SLC25A19: variants seen among roughly 807,000 people sequenced by gnomAD.
The protein encoded by SLC25A19 is mitochondrial thiamine pyrophosphate carrier.
SLC25A19 carries 18 observed loss-of-function variants against 27.9 expected under a neutral mutation model. The observed-to-expected ratio is 0.64, with a 90% CI of 0.45 to 0.96. SLC25A19 has a LOEUF of 0.96. SLC25A19 is among the 40% of genes least tolerant of loss of function. The pLI, the probability that SLC25A19 is intolerant of heterozygous loss-of-function variation, is 0.00. For synonymous variants in SLC25A19, 169 were observed against 167.1 expected, an observed-to-expected ratio of 1.01 and a Z score of -0.09; for missense variants, 371 against 418.3, an observed-to-expected ratio of 0.89 and a Z score of 0.99.
chr17:75,275,675 C>T (rs2145733302), intron 7 of SLC25A19, among the ~76,000 whole-genome samples: 1 of 152,234 alleles, frequency 6.6e-6, no homozygotes, highest in Admixed American at 6.5e-5. Context: ...CAACTTAGGC[C>T]CAGGTGTGGC....
chr17:75,283,600 G>C lies in SLC25A19; in HGVS notation c.289-7C>G. 3 of 1,612,626 alleles carry C rather than the reference G, an allele frequency of 1.9e-6. No homozygotes were observed. Among genetic ancestry groups the C allele is most frequent in the African/African-American group, 1.3e-5 (1 of 75,042 alleles). On this transcript the variant is annotated splice_polypyrimidine_tract_variant and splice_region_variant and intron_variant, in intron 4 of 7. Coordinates refer to ENST00000416858, the MANE Select transcript of SLC25A19 (RefSeq NM_001126121.2). The stretch of plus-strand genomic sequence containing the variant: ...GCATTTCAAATGACAAGAACTGCAA[G>C]AGTAAGTGAAGAAGTCACCGACAGC...
In SLC25A19 at chr17:75,278,325, G is replaced by T. The variant is rs554218525; in HGVS notation, c.470C>A (p.Thr157Lys). 61 of 1,613,946 alleles carry T rather than the reference G, an allele frequency of 3.8e-5. No homozygotes were observed. Among genetic ancestry groups the T allele is most frequent in the Non-Finnish European group, 5.1e-5 (60 of 1,180,012 alleles). ...AAQGEPKVYN[T>K]LRHAVGTMYR... The stretch of plus-strand genomic sequence containing the variant: ...CATGGTCCCCACGGCGTGGCGCAGC[G>T]TATTATAGACCTGGACACACACACG... Residue 157 changes from threonine to lysine, a missense_variant, in exon 6 of 8, where the codon ACG (threonine) becomes AAG (lysine). By Grantham distance (78) the Thr-to-Lys change is moderately conservative. Coordinates refer to ENST00000416858, the MANE Select transcript of SLC25A19 (RefSeq NM_001126121.2).
At position 75,282,906 on chromosome 17, in the gene SLC25A19, A is replaced by T. The variant is rs1030355171; in HGVS notation, c.459+517T>A. On this transcript the variant is annotated intron_variant, in intron 5 of 7. Coordinates refer to ENST00000416858, the MANE Select transcript of SLC25A19 (RefSeq NM_001126121.2). Reference sequence around the variant, plus strand: ...AATAAAAATAAAAATCATATATTTAAAAAAAACATGCTTATCAAATAAAAG... The same window carrying T: ...AATAAAAATAAAAATCATATATTTATAAAAAACATGCTTATCAAATAAAAG... 1.1e-4 allele frequency among the ~76,000 whole-genome samples: 16 copies of T among 151,672 alleles called. No individual in the cohort carries two copies. The South Asian group carries it at 2.3e-3, about 22-fold the overall frequency.
In SLC25A19 at chr17:75,273,494, CAGA is replaced by C. The variant is rs1228049889; in HGVS notation, c.917_919del (p.Phe306del). ...CCTGTTCATGCAGTGGAAGACATTA[CAGA>C]AGAATTCATACGAGAAGAACATGAA... is the stretch of plus-strand genomic sequence containing the variant. On this transcript the variant is annotated inframe_deletion, in exon 8 of 8. Transcript: ENST00000416858. 6.2e-6 allele frequency: 10 copies of C among 1,614,206 alleles called. No individual in the cohort carries two copies. The highest frequency in any genetic ancestry group is 8.5e-6 in the Non-Finnish European group (10 of 1,180,056).
Position 75,278,259 on chromosome 17 carries a change from G to A in SLC25A19, c.536C>T (p.Ala179Val), listed in dbSNP as rs548801864. Residue 179 changes from alanine to valine, a missense_variant, in exon 6 of 8, where the codon GCT becomes GTT. Coordinates refer to ENST00000416858, the MANE Select transcript of SLC25A19 (RefSeq NM_001126121.2). ...EGPQVFYKGL[A>V]PTLIAIFPYA... ...GGGGAAGATGGCGATCAAGGTGGGA[G>A]CCAAGCCTTTGTAGAAAACCTGGGG... 1.2e-5 allele frequency: 19 copies of A among 1,614,008 alleles called. No homozygotes were observed. The South Asian group carries it at 1.2e-4, about 10-fold the overall frequency.
intron 7 of SLC25A19, chr17:75,273,864 G>T (rs2077792305): frequency 1.5e-5 from 7 of 471,834 alleles, no homozygotes; most frequent in South Asian, 1.2e-4. Context: ...AGGTTCAAGT[G>T]ATTCTCCTGC....
intron 7 of SLC25A19, among the ~76,000 whole-genome samples, chr17:75,276,850 T>G (rs1190329610): frequency 5.0e-4 from 6 of 11,972 alleles, no homozygotes; most frequent in Non-Finnish European, 2.2e-3. Context: ...AATTTTTTTG[T>G]TTTTTTTTTT....
In SLC25A19 at chr17:75,273,593, T is replaced by G; in HGVS notation, c.821A>C (p.Gln274Pro). ...GLMDCAKQVL[Q>P]KEGALGFFKG... is the part of the protein sequence containing the mutation. ...GAAGAAGCCCAGGGCGCCTTCCTTT[T>G]GCAGCACCTGCTTGGCACAGTCCAT... The change falls in exon 8 of 8, where the codon CAA (glutamine) becomes CCA (proline). Residue 274 changes from glutamine to proline, a missense_variant. By Grantham distance (76) the Gln-to-Pro change is moderately conservative. Transcript: ENST00000416858. The G allele has an allele frequency of 6.2e-7, 1 of 1,613,730 alleles. No homozygotes were observed. The highest frequency in any genetic ancestry group is 8.5e-7 in the Non-Finnish European group (1 of 1,179,940).
At chr17:75,288,996 A>G (rs2078248713) in intron 1 of SLC25A19, 1 of 152,298 alleles carries the variant, frequency 6.6e-6, no homozygotes, top group African/African-American at 2.4e-5. Flanking sequence ...CGCTGTCAGG[A>G]GACCGGAGCA....
intron 7 of SLC25A19, among the ~76,000 whole-genome samples, chr17:75,276,855 T>G (rs1415715575): frequency 5.3e-5 from 8 of 150,540 alleles, no homozygotes; most frequent in Admixed American, 6.6e-5. Context: ...TTTTGTTTTT[T>G]TTTTTTTTTA....
At position 75,283,009 on chromosome 17, in the gene SLC25A19, T is replaced by TA. The variant is rs970883411; in HGVS notation, c.459+413dup. On this transcript the variant is annotated intron_variant, in intron 5 of 7. Transcript: ENST00000416858. ...GTCTCAAAATAAATAAATAAATAAATAAAAAATAGGCCGGGCGCAGTGGCT... is the reference window on the plus strand; with the variant it reads ...GTCTCAAAATAAATAAATAAATAAATAAAAAAATAGGCCGGGCGCAGTGGCT... Among the ~76,000 whole-genome samples, 3 of 108,072 alleles carry TA rather than the reference T, an allele frequency of 2.8e-5. No homozygotes were observed. The Admixed American group carries it at 2.8e-4, about 10-fold the overall frequency. The allele number at this position is 108,072 out of a possible 152,430, so 70.9% of individuals were successfully genotyped here. A position where few individuals can be genotyped will look rare whatever the true frequency, so the allele number is the denominator to read the frequency against.
chr17:75,279,530 C>G (rs1393889310), intron 5 of SLC25A19, among the ~76,000 whole-genome samples: 6 of 123,014 alleles, frequency 4.9e-5, no homozygotes, highest in Non-Finnish European at 8.2e-5. Flanking sequence ...TTTTTTGAGA[C>G]GAAGTCTTGC....
intron 5 of SLC25A19, among the ~76,000 whole-genome samples, chr17:75,282,068 A>G (rs1310923266): frequency 1.3e-5 from 2 of 151,752 alleles, no homozygotes; most frequent in Non-Finnish European, 2.9e-5. Context: ...TCAAGAGTTC[A>G]AGACCAGACT....
intron 2 of SLC25A19, chr17:75,287,051 A>C: frequency 5.2e-6 from 2 of 382,176 alleles, no homozygotes; most frequent in South Asian, 4.7e-5. Flanking sequence ...AAATACAAAA[A>C]TTTAAAAATA....
chr17:75,282,939 T>C (rs1005389298), intron 5 of SLC25A19, among the ~76,000 whole-genome samples: 5 of 150,094 alleles, frequency 3.3e-5, no homozygotes, highest in Non-Finnish European at 5.9e-5. Context: ...AAGAAAAAAA[T>C]AGATCGCACC....
chr17:75,277,632 A>T, intron 6 of SLC25A19, 149 bp from the exon 7 acceptor site: 1 of 914,822 alleles, frequency 1.1e-6, no homozygotes, highest in Non-Finnish European at 1.7e-6. Flanking sequence ...CCCATTCCAA[A>T]AAGGAATGTA....
In SLC25A19 at chr17:75,286,415, G is replaced by A. The variant is rs2078183183; in HGVS notation, c.177C>T (p.Tyr59=). 1 of 1,614,076 alleles carries A rather than the reference G, an allele frequency of 6.2e-7. No homozygotes were observed. The highest frequency in any genetic ancestry group is 8.5e-7 in the Non-Finnish European group (1 of 1,180,040). ...GCCTAGAGGCCTGGAGGATGCCATG[G>A]TACTTTGCGCTGGGGTCACTGCGAG... ...RLSRSDPSAK[Y]HGILQASRQI... Residue 59 remains tyrosine (Y), a synonymous_variant, in exon 4 of 8, where the codon TAC becomes TAT. Coordinates refer to ENST00000416858, the MANE Select transcript of SLC25A19 (RefSeq NM_001126121.2).
intron 5 of SLC25A19, among the ~76,000 whole-genome samples, chr17:75,278,664 C>T (rs952066603): frequency 1.3e-5 from 2 of 152,042 alleles, no homozygotes; most frequent in African/African-American, 2.4e-5. Context: ...CACCAGCTCA[C>T]GAGAGAATAG....
At chr17:75,283,818 TAAG>T (rs1321175750) in intron 4 of SLC25A19, among the ~76,000 whole-genome samples, 1 of 152,088 alleles carries the variant, frequency 6.6e-6, no homozygotes, top group Admixed American at 6.6e-5. Flanking sequence ...CTCAAAGGGT[TAAG>T]AAGATATATG....
Sources: gnomAD v4.1 joint callset for allele counts (sites outside exome capture counted in the v4.1 genomes callset) on GRCh38, gnomAD v4.1.1 for gene constraint, MANE v1.5 for transcripts, NCBI Gene and HGNC (gene_info 2026-07-23, HGNC 2026-07-21) for gene names.